PCDH15: variants seen among roughly 807,000 people sequenced by gnomAD.
The protein encoded by PCDH15 is protocadherin related 15, also known as protocadherin-15.
PCDH15 carries 129 observed loss-of-function variants against 178.5 expected under a neutral mutation model. The ratio of observed to expected loss-of-function variants is 0.72; its 90% CI spans 0.63 to 0.84. The LOEUF is 0.84. Ranked by LOEUF, PCDH15 falls within the 40% of genes least tolerant of loss-of-function variation. The pLI, the probability that PCDH15 is intolerant of heterozygous loss-of-function variation, is 0.00. For missense variants in PCDH15, 2,230 were observed against 2,099.9 expected (o/e 1.06, Z -1.21); for synonymous variants, 800 against 732.0 (o/e 1.09, Z -1.50).
At chr10:54,594,435 T>G (rs1590347616) in intron 2 of PCDH15, among the ~76,000 whole-genome samples, 1 of 152,228 alleles carries the variant, frequency 6.6e-6, no homozygotes, top group Admixed American at 6.5e-5. Flanking sequence ...GTCTTCTCTT[T>G]GGGCCCCAGC....
chr10:55,471,799 A>G (rs966710456), intron 2 of PCDH15, among the ~76,000 whole-genome samples: 2 of 152,208 alleles, frequency 1.3e-5, no homozygotes, highest in African/African-American at 4.8e-5. Flanking sequence ...TGTGAGATAC[A>G]GTTTCCCCAA....
intron 2 of PCDH15, among the ~76,000 whole-genome samples, chr10:55,050,685 T>C (rs978262456): frequency 6.6e-6 from 1 of 152,046 alleles, no homozygotes; most frequent in African/African-American, 2.4e-5. Flanking sequence ...CATGGTTTAT[T>C]TTTCTCCTTA....
intron 2 of PCDH15, among the ~76,000 whole-genome samples, chr10:54,973,935 A>T (rs1340614273): frequency 6.6e-6 from 1 of 152,088 alleles, no homozygotes; most frequent in Non-Finnish European, 1.5e-5. Context: ...AATGTAGATA[A>T]GTATACTACT....
At chr10:55,375,986 T>G (rs1197187175) in intron 2 of PCDH15, among the ~76,000 whole-genome samples, 1 of 151,982 alleles carries the variant, frequency 6.6e-6, no homozygotes, top group Non-Finnish European at 1.5e-5. Context: ...ATAAAAATAG[T>G]TAATATAACA....
At chr10:55,119,869 C>A (rs539255245) in intron 2 of PCDH15, among the ~76,000 whole-genome samples, 1 of 152,056 alleles carries the variant, frequency 6.6e-6, no homozygotes, top group Non-Finnish European at 1.5e-5. Flanking sequence ...ATAGGAGAGA[C>A]TTAGTATATA....
intron 8 of PCDH15, among the ~76,000 whole-genome samples, chr10:54,307,915 A>G (rs775240069): frequency 6.6e-6 from 1 of 152,140 alleles, no homozygotes; most frequent in Non-Finnish European, 1.5e-5. Context: ...ATTGCCAATA[A>G]TAATAGTAAC....
chr10:54,645,742 A>T (rs951130176), intron 2 of PCDH15, among the ~76,000 whole-genome samples: 1 of 152,182 alleles, frequency 6.6e-6, no homozygotes, highest in Admixed American at 6.6e-5. Flanking sequence ...CAAAGAAAAC[A>T]TTAAGGAATA....
intron 3 of PCDH15, among the ~76,000 whole-genome samples, chr10:54,892,513 A>T (rs543096149): frequency 6.6e-6 from 1 of 152,088 alleles, no homozygotes; most frequent in East Asian, 1.9e-4. Flanking sequence ...AGTAAAGAGT[A>T]ACCAATAATT....
intron 25 of PCDH15, among the ~76,000 whole-genome samples, chr10:53,917,749 T>C (rs993809697): frequency 3.3e-5 from 5 of 152,198 alleles, no homozygotes; most frequent in African/African-American, 9.6e-5. Flanking sequence ...GCATCTCATG[T>C]TGAAATGTAA....
At chr10:54,904,081 T>C (rs1954681962) in intron 2 of PCDH15, among the ~76,000 whole-genome samples, 1 of 152,072 alleles carries the variant, frequency 6.6e-6, no homozygotes, top group Non-Finnish European at 1.5e-5. Flanking sequence ...CCCTCAGTAT[T>C]ATTTTATATA....
At chr10:54,260,755 C>G (rs1198401067) in intron 8 of PCDH15, among the ~76,000 whole-genome samples, 1 of 152,026 alleles carries the variant, frequency 6.6e-6, no homozygotes, top group Non-Finnish European at 1.5e-5. Context: ...AGTAGTAGTA[C>G]TACGACTACT....
intron 20 of PCDH15, among the ~76,000 whole-genome samples, chr10:54,010,191 A>G (rs1311477730): frequency 1.3e-5 from 2 of 151,684 alleles, no homozygotes; most frequent in African/African-American, 4.8e-5. Context: ...TAGGCTTGGG[A>G]GGGACAGGGA....
intron 3 of PCDH15, among the ~76,000 whole-genome samples, chr10:54,896,020 A>G (rs1172926130): frequency 1.3e-5 from 2 of 151,892 alleles, no homozygotes; most frequent in African/African-American, 2.4e-5. Flanking sequence ...CCGAGTACCC[A>G]GGACTAGAGG....
chr10:54,800,549 G>A (rs536118528), intron 1 of PCDH15, among the ~76,000 whole-genome samples: 46 of 152,164 alleles, frequency 3.0e-4, no homozygotes, highest in Non-Finnish European at 6.0e-4. Context: ...AAAACAAAAA[G>A]TCAATTCTGA....
chr10:55,078,300 T>C (rs911173076), intron 2 of PCDH15, among the ~76,000 whole-genome samples: 2 of 152,150 alleles, frequency 1.3e-5, no homozygotes, highest in Admixed American at 6.6e-5. Context: ...GTGGAGAAGA[T>C]ATTTTGGCAT....
chr10:54,752,521 CA>C (rs1229369057), intron 1 of PCDH15, among the ~76,000 whole-genome samples: 5 of 58,952 alleles, frequency 8.5e-5, no homozygotes, highest in Admixed American at 1.6e-4. Context: ...AACAAACAAA[CA>C]AACAAACAAA....
chr10:55,508,716 G>T (rs11004895), intron 2 of PCDH15, among the ~76,000 whole-genome samples: 59,972 of 151,342 alleles, frequency 0.4, 12,581 homozygotes, highest in East Asian at 0.81. Context: ...TATTTATATT[G>T]AATATTTTAC....
intron 21 of PCDH15, among the ~76,000 whole-genome samples, chr10:53,970,337 C>T: frequency 6.6e-6 from 1 of 152,134 alleles, no homozygotes; most frequent in Non-Finnish European, 1.5e-5. Context: ...GCACCCAATA[C>T]AGGAGCACCC....
intron 8 of PCDH15, among the ~76,000 whole-genome samples, chr10:54,312,158 T>A (rs1010428436): frequency 2.0e-5 from 3 of 151,942 alleles, no homozygotes; most frequent in African/African-American, 7.2e-5. Flanking sequence ...CTTATTGAAA[T>A]TTCATGAAAT....
Sources: gnomAD v4.1 joint callset for allele counts (sites outside exome capture counted in the v4.1 genomes callset) on GRCh38, gnomAD v4.1.1 for gene constraint, MANE v1.5 for transcripts, NCBI Gene and HGNC (gene_info 2026-07-23, HGNC 2026-07-21) for gene names.